Variants in GRB10 observed in about 807,000 individuals in gnomAD.
GRB10 encodes the protein growth factor receptor-bound protein 10.
In GRB10, 20 loss-of-function variants were observed where a neutral mutation model predicts 80.9. The ratio of observed to expected loss-of-function variants is 0.25; its 90% CI spans 0.17 to 0.36. GRB10 has a LOEUF of 0.36. Ranked by LOEUF, GRB10 falls within the 10% of genes least tolerant of loss-of-function variation. The pLI, the probability that GRB10 is intolerant of heterozygous loss-of-function variation, is 1.00. For synonymous variants in GRB10, 291 were observed against 291.5 expected, an observed-to-expected ratio of 1.00 and a Z score of 0.02; for missense variants, 548 against 747.7, an observed-to-expected ratio of 0.73 and a Z score of 3.12.
chr7:50,753,835 A>C (rs553311914), intron 3 of GRB10, among the ~76,000 whole-genome samples: 1 of 152,326 alleles, frequency 6.6e-6, no homozygotes, highest in South Asian at 2.1e-4. Context: ...TTTCCCTTTG[A>C]ATTATATGAC....
At chr7:50,747,093 T>C (rs2073069860) in intron 3 of GRB10, among the ~76,000 whole-genome samples, 1 of 152,218 alleles carries the variant, frequency 6.6e-6, no homozygotes, top group Non-Finnish European at 1.5e-5. Flanking sequence ...AAGCCCCAGT[T>C]TCTGCAGCGA....
Position 50,614,761 on chromosome 7 carries a change from C to A in GRB10, c.1095+9G>T, listed in dbSNP as rs377515816. The A allele has an allele frequency of 1.9e-6, 3 of 1,586,880 alleles. No individual in the cohort carries two copies. The East Asian group carries it at 6.7e-5, about 35-fold the overall frequency. ...GCATGCGCGCCGTCTGTGGACAGCT[C>A]GTGGGTACCTTTATGCAGAGCCCGT... On this transcript the variant is annotated intron_variant, in intron 12 of 18. Coordinates refer to ENST00000401949, the MANE Select transcript of GRB10 (RefSeq NM_001350814.2).
At chr7:50,735,138 G>A (rs1484241108) in intron 3 of GRB10, among the ~76,000 whole-genome samples, 2 of 152,120 alleles carry the variant, frequency 1.3e-5, no homozygotes. Context: ...AAGTGAACAC[G>A]CAAAAACCAT....
chr7:50,597,281 AATGGGATTCC>A (rs1314556393), intron 17 of GRB10, among the ~76,000 whole-genome samples: 1 of 152,222 alleles, frequency 6.6e-6, no homozygotes, highest in East Asian at 1.9e-4. Context: ...CACCGATCAG[AATGGGATTCC>A]ATGGTTTGGC....
chr7:50,712,244 A>C (rs374460357), intron 4 of GRB10, among the ~76,000 whole-genome samples: 1 of 152,378 alleles, frequency 6.6e-6, no homozygotes, highest in African/African-American at 2.4e-5. Context: ...TCTCACCCAA[A>C]GTGACACTGC....
chr7:50,775,332 G>C (rs999110931), intron 2 of GRB10, among the ~76,000 whole-genome samples: 1 of 152,176 alleles, frequency 6.6e-6, no homozygotes, highest in Non-Finnish European at 1.5e-5. Context: ...TTGGTTCCAT[G>C]TCCTGCCTTC....
intron 7 of GRB10, among the ~76,000 whole-genome samples, chr7:50,640,033 C>A (rs1379486871): frequency 6.6e-6 from 1 of 152,198 alleles, no homozygotes; most frequent in Non-Finnish European, 1.5e-5. Flanking sequence ...TGGGCTGTGA[C>A]CCCCAGTACC....
chr7:50,719,178 C>T (rs1470948714), intron 4 of GRB10, among the ~76,000 whole-genome samples: 4 of 152,110 alleles, frequency 2.6e-5, no homozygotes, highest in South Asian at 2.1e-4. Context: ...GCTGGATAAA[C>T]GGGGCGGAGA....
chr7:50,679,115 T>C (rs1233136729), intron 5 of GRB10, among the ~76,000 whole-genome samples: 1 of 152,230 alleles, frequency 6.6e-6, no homozygotes, highest in Non-Finnish European at 1.5e-5. Context: ...ATGTTATTAA[T>C]AGTTATTTTC....
chr7:50,694,553 T>G lies in GRB10; in HGVS notation c.139+9268A>C, dbSNP rs547507036. ...GCCAATAACTTAAATTCTCAGATCC[T>G]GTCTCCACCCAAACTAGGCTAGGTG... is the stretch of plus-strand genomic sequence containing the variant. On this transcript the variant is annotated intron_variant, in intron 5 of 18. Coordinates refer to ENST00000401949, the MANE Select transcript of GRB10 (RefSeq NM_001350814.2). 1.3e-3 allele frequency among the ~76,000 whole-genome samples: 195 copies of G among 152,304 alleles called. 1 individual carries two copies. The highest frequency in any genetic ancestry group is 4.5e-3 in the African/African-American group (186 of 41,568).
intron 5 of GRB10, among the ~76,000 whole-genome samples, chr7:50,697,353 G>C (rs1014162962): frequency 6.6e-6 from 1 of 152,144 alleles, no homozygotes; most frequent in African/African-American, 2.4e-5. Context: ...AGTAATTCCA[G>C]CTATTGCAAA....
chr7:50,764,480 G>A (rs142371406), intron 2 of GRB10, among the ~76,000 whole-genome samples: 1 of 152,280 alleles, frequency 6.6e-6, no homozygotes, highest in Non-Finnish European at 1.5e-5. Context: ...GCCTGGACAG[G>A]AGCCGACTTA....
At chr7:50,770,411 A>T (rs553986196) in intron 2 of GRB10, among the ~76,000 whole-genome samples, 2 of 152,196 alleles carry the variant, frequency 1.3e-5, no homozygotes, top group African/African-American at 2.4e-5. Flanking sequence ...CCAAGCATCT[A>T]TCTGAATTCA....
Position 50,669,044 on chromosome 7 carries a change from G to C in GRB10, c.504+678C>G, listed in dbSNP as rs79689156. 8.5e-4 allele frequency among the ~76,000 whole-genome samples: 129 copies of C among 152,348 alleles called. 1 individual carries two copies. The highest frequency in any genetic ancestry group is 1.6e-3 in the Non-Finnish European group (109 of 68,034). ...ACAAGACAGAAACTCTTCAACTCCT[G>C]TGTACTGACATCCAGGTGCCCGGGT... On this transcript the variant is annotated intron_variant, in intron 7 of 18. Coordinates refer to ENST00000401949, the MANE Select transcript of GRB10 (RefSeq NM_001350814.2).
At chr7:50,595,031 G>A (rs1410554960) in intron 18 of GRB10, among the ~76,000 whole-genome samples, 1 of 152,086 alleles carries the variant, frequency 6.6e-6, no homozygotes, top group East Asian at 1.9e-4. Flanking sequence ...AGACCCACGT[G>A]CTCACAGCTG....
chr7:50,685,000 A>G (rs2061956117), intron 5 of GRB10, among the ~76,000 whole-genome samples: 1 of 152,228 alleles, frequency 6.6e-6, no homozygotes, highest in African/African-American at 2.4e-5. Flanking sequence ...GTTATGGTCC[A>G]AATTTCTGTC....
At chr7:50,711,050 C>G (rs559886472) in intron 4 of GRB10, 1 of 728,206 alleles carries the variant, frequency 1.4e-6, no homozygotes, top group South Asian at 1.5e-5. Context: ...AAGACCAATG[C>G]CACAGAGAGC....
At chr7:50,635,716 A>G (rs1264112658) in intron 7 of GRB10, among the ~76,000 whole-genome samples, 1 of 152,098 alleles carries the variant, frequency 6.6e-6, no homozygotes, top group Non-Finnish European at 1.5e-5. Flanking sequence ...CTGATACCAC[A>G]GAAATACAAA....
chr7:50,733,937 T>C (rs1159944357), intron 3 of GRB10, among the ~76,000 whole-genome samples: 1 of 152,204 alleles, frequency 6.6e-6, no homozygotes, highest in Admixed American at 6.5e-5. Context: ...GAAACAAGAA[T>C]TTAGCTTAAG....
Sources: allele counts gnomAD v4.1 joint callset (sites outside exome capture counted in the v4.1 genomes callset), GRCh38; gene constraint gnomAD v4.1.1; transcripts MANE v1.5; gene names NCBI Gene and HGNC (gene_info 2026-07-23, HGNC 2026-07-21).